The following LNX2 variants were observed in gnomAD, a reference collection of about 807,000 sequenced individuals.
LNX2 encodes the protein ligand of Numb protein X 2.
A neutral mutation model predicts 66.2 loss-of-function variants in LNX2; 35 were observed. That is an observed-to-expected ratio of 0.53 (90% CI 0.40 to 0.70). The LOEUF is 0.70. Among genes scored for constraint, LNX2 ranks in the 30% least tolerant of loss-of-function variants. The pLI is 0.00. For synonymous variants in LNX2, 337 were observed against 315.6 expected (o/e 1.07, Z -0.72); for missense variants, 791 against 850.8 (o/e 0.93, Z 0.87).
chr13:27,583,238 GT>G lies in LNX2; in HGVS notation c.-100-1436del, dbSNP rs1566124817. Among the ~76,000 whole-genome samples the G allele has an allele frequency of 2.3e-4, 5 of 21,610 alleles. 1 individual carries two copies. The highest frequency in any genetic ancestry group is 4.1e-4 in the Non-Finnish European group (5 of 12,132). The allele number at this position is 21,610 out of a possible 152,430, so 14.2% of individuals were successfully genotyped here. On this transcript the variant is annotated intron_variant, in intron 1 of 9. Coordinates refer to ENST00000316334, the MANE Select transcript of LNX2 (RefSeq NM_153371.4). ...TGTGTGTGTGTGTGTGTGTGTGTGT[GT>G]GTGTGTGTGTGTGTGTGCGCGCGTC...
rs374439662 is a variant in LNX2, at chr13:27,581,251, C to A, written c.407+46G>T. 2,210 of 1,426,864 alleles carry A rather than the reference C, an allele frequency of 1.5e-3. 59 individuals carry two copies. The South Asian group carries it at 0.034, about 22-fold the overall frequency. 88.4% of individuals were successfully genotyped at this position (1,426,864 alleles called of 1,614,324 possible). On this transcript the variant is annotated intron_variant, in intron 2 of 9. Transcript: ENST00000316334. ...CAAGTTTTTATGTTCATTTGAACCA[C>A]CTTTTTCCAAAATCTGGAGTTACTT... is the stretch of plus-strand genomic sequence containing the variant.
At position 27,559,877 on chromosome 13, in the gene LNX2, G is replaced by C. The variant is rs767258650; in HGVS notation, c.1333C>G (p.Pro445Ala). ...CTTGGTCTGCTATAATACGGTGGTGGTGTGTGGTGCTGGCTGCTGCTGCTA... is the reference window on the plus strand; with the variant it reads ...CTTGGTCTGCTATAATACGGTGGTGCTGTGTGGTGCTGGCTGCTGCTGCTA... ...NHSSSSQHHT[P>A]PPYYSRPSSH... is the part of the protein sequence containing the mutation. Residue 445 changes from proline (P) to alanine (A), a missense_variant, in exon 6 of 10, where the codon CCA becomes GCA. Coordinates refer to ENST00000316334, the MANE Select transcript of LNX2 (RefSeq NM_153371.4). The C allele has an allele frequency of 3.7e-6, 6 of 1,609,944 alleles. No homozygotes were observed. Among genetic ancestry groups the C allele is most frequent in the Non-Finnish European group, 5.1e-6 (6 of 1,177,248 alleles).
intron 7 of LNX2, among the ~76,000 whole-genome samples, chr13:27,554,971 A>G (rs1394513776): frequency 6.6e-6 from 1 of 152,024 alleles, no homozygotes; most frequent in Non-Finnish European, 1.5e-5. Flanking sequence ...TTTGTGTTTG[A>G]GACAGGATCT....
At chr13:27,576,214 G>T (rs1955338697) in intron 2 of LNX2, among the ~76,000 whole-genome samples, 1 of 152,074 alleles carries the variant, frequency 6.6e-6, no homozygotes, top group African/African-American at 2.4e-5. Flanking sequence ...GAGAGAAATA[G>T]ACAAATCAAC....
chr13:27,601,639 GAACA>G (rs1955659069), intron 1 of LNX2, among the ~76,000 whole-genome samples: 1 of 152,104 alleles, frequency 6.6e-6, no homozygotes, highest in Non-Finnish European at 1.5e-5. Flanking sequence ...TATCATGCAT[GAACA>G]GACAATGAAA....
chr13:27,589,871 A>G (rs1156751746), intron 1 of LNX2, among the ~76,000 whole-genome samples: 1 of 152,264 alleles, frequency 6.6e-6, no homozygotes, highest in African/African-American at 2.4e-5. Flanking sequence ...ACTTTGCTCC[A>G]ACAAGAAAGA....
chr13:27,616,304 A>C (rs2138493485), intron 1 of LNX2, among the ~76,000 whole-genome samples: 1 of 152,278 alleles, frequency 6.6e-6, no homozygotes, highest in East Asian at 1.9e-4. Flanking sequence ...TGTCTGGGTT[A>C]AGACAAAGGA....
chr13:27,555,816 GA>G (rs1158551206), intron 7 of LNX2, among the ~76,000 whole-genome samples: 1 of 152,184 alleles, frequency 6.6e-6, no homozygotes, highest in African/African-American at 2.4e-5. Context: ...CATTGATAGG[GA>G]ATATGAAATG....
At position 27,553,200 on chromosome 13, in the gene LNX2, C is replaced by T; in HGVS notation, c.1778+8G>A. 1 of 1,612,320 alleles carries T rather than the reference C, an allele frequency of 6.2e-7. No homozygotes were observed. The highest frequency in any genetic ancestry group is 8.5e-7 in the Non-Finnish European group (1 of 1,178,426). On this transcript the variant is annotated splice_region_variant and intron_variant, in intron 8 of 9. Coordinates refer to ENST00000316334, the MANE Select transcript of LNX2 (RefSeq NM_153371.4). ...ATTTCCATAAAGCAACAAGAAAGCGCTCAGTACCTGGGAAGCCCAAGCCAC... is the reference window on the plus strand; with the variant it reads ...ATTTCCATAAAGCAACAAGAAAGCGTTCAGTACCTGGGAAGCCCAAGCCAC...
intron 2 of LNX2, among the ~76,000 whole-genome samples, chr13:27,574,377 A>G (rs1955320479): frequency 6.6e-6 from 1 of 152,168 alleles, no homozygotes; most frequent in Non-Finnish European, 1.5e-5. Context: ...GCGCCATTGC[A>G]CTCCAGCCTG....
chr13:27,556,893 C>A (rs1350212774), intron 6 of LNX2, among the ~76,000 whole-genome samples: 1 of 152,184 alleles, frequency 6.6e-6, no homozygotes, highest in African/African-American at 2.4e-5. Context: ...TTCTCACTGA[C>A]TACTACTATG....
rs1216847823 is a variant in LNX2 at position 27,547,861 on chromosome 13, A to C, written c.*474T>G. On this transcript the variant is annotated 3_prime_UTR_variant, in exon 10 of 10. Coordinates refer to ENST00000316334, the MANE Select transcript of LNX2 (RefSeq NM_153371.4). ...AGAGTGAGACTGTGGTTCAAAAAAA[A>C]ATGGGGAACAGTTATCACCAAAATT... is the stretch of plus-strand genomic sequence containing the variant. 1 of 154,882 alleles carries C rather than the reference A, an allele frequency of 6.5e-6. No homozygotes were observed. Among genetic ancestry groups the C allele is most frequent in the Non-Finnish European group, 1.4e-5 (1 of 69,618 alleles). The allele number at this position is 154,882 out of a possible 1,614,324, so 9.6% of individuals were successfully genotyped here.
intron 3 of LNX2, among the ~76,000 whole-genome samples, chr13:27,568,205 T>G (rs936265364): frequency 8.3e-4 from 127 of 152,194 alleles, no homozygotes; most frequent in African/African-American, 2.8e-3. Flanking sequence ...ACTAGCTCTG[T>G]GGCATAGAAA....
chr13:27,550,111 T>C (rs1232861191), intron 9 of LNX2, among the ~76,000 whole-genome samples: 2 of 152,224 alleles, frequency 1.3e-5, no homozygotes, highest in Admixed American at 6.5e-5. Context: ...GTAAATATTT[T>C]AGGCTTCAAG....
intron 4 of LNX2, among the ~76,000 whole-genome samples, 174 bp downstream of exon 4, chr13:27,567,466 C>CT (rs1955220427): frequency 6.6e-6 from 1 of 152,122 alleles, no homozygotes; most frequent in Admixed American, 6.6e-5. Flanking sequence ...AAAAAATACT[C>CT]TGTGTATATG....
chr13:27,570,870 G>A (rs944936585), intron 2 of LNX2, among the ~76,000 whole-genome samples: 3 of 152,040 alleles, frequency 2.0e-5, no homozygotes, highest in Non-Finnish European at 2.9e-5. Flanking sequence ...TGTACACCTG[G>A]GAATCAGTCT....
chr13:27,594,155 T>C (rs975861955), intron 1 of LNX2, among the ~76,000 whole-genome samples: 4 of 152,206 alleles, frequency 2.6e-5, no homozygotes, highest in African/African-American at 9.6e-5. Context: ...TATTTATAAA[T>C]TTTATAGTTG....
chr13:27,560,853 AAGTGG>A (rs1955127308), intron 5 of LNX2, among the ~76,000 whole-genome samples: 2 of 152,136 alleles, frequency 1.3e-5, no homozygotes, highest in Admixed American at 1.3e-4. Context: ...TTGTGGTACA[AAGTGG>A]AGACCTCTCC....
chr13:27,598,465 A>C (rs893232114), intron 1 of LNX2, among the ~76,000 whole-genome samples: 1 of 152,172 alleles, frequency 6.6e-6, no homozygotes, highest in African/African-American at 2.4e-5. Flanking sequence ...GTCAATTTTG[A>C]CATGTAAAAG....
Sources: allele counts gnomAD v4.1 joint callset (sites outside exome capture counted in the v4.1 genomes callset), GRCh38; gene constraint gnomAD v4.1.1; transcripts MANE v1.5; gene names NCBI Gene and HGNC (gene_info 2026-07-23, HGNC 2026-07-21).